The following REDIC1 variants were observed in gnomAD, a reference collection of about 807,000 sequenced individuals.
REDIC1 encodes the protein regulator of DNA class I crossover intermediates 1, also known as HEI10 Interacting Protein 1.
the REDIC1 span, among the ~76,000 whole-genome samples, chr12:39,713,996 T>G: frequency 5.8e-3 from 861 of 148,506 alleles, 7 homozygotes; most frequent in African/African-American, 0.02. Flanking sequence ...TACATGTATG[T>G]ACACCTATGT....
the REDIC1 span, among the ~76,000 whole-genome samples, chr12:39,760,953 A>AACACACACACACACACACACACACACAC: frequency 0.088 from 8,899 of 101,462 alleles, 953 homozygotes; most frequent in East Asian, 0.27. Context: ...GTCTCTACCA[A>AACACACACACACACACACACACACACAC]ACACACACAC....
At chr12:39,681,266 C>A in the REDIC1 span, among the ~76,000 whole-genome samples, 2 of 152,066 alleles carry the variant, frequency 1.3e-5, no homozygotes, top group Admixed American at 1.3e-4. Flanking sequence ...GAGCAAAACT[C>A]CATCTCCCAC....
At chr12:39,863,487 T>A in the REDIC1 span, among the ~76,000 whole-genome samples, 1 of 152,192 alleles carries the variant, frequency 6.6e-6, no homozygotes, top group Non-Finnish European at 1.5e-5. Flanking sequence ...CTGGAGAATA[T>A]TCTATGATTC....
At chr12:39,826,854 ATTT>A in the REDIC1 span, among the ~76,000 whole-genome samples, 10 of 67,394 alleles carry the variant, frequency 1.5e-4, no homozygotes, top group Admixed American at 6.8e-4. Flanking sequence ...GTCTCTTTCA[ATTT>A]TTTTTTTTTT....
the REDIC1 span, among the ~76,000 whole-genome samples, chr12:39,859,736 G>A: frequency 9.9e-5 from 15 of 151,948 alleles, no homozygotes; most frequent in East Asian, 7.8e-4. Flanking sequence ...CATGTTGGCC[G>A]GGCTGGTCTC....
the REDIC1 span, among the ~76,000 whole-genome samples, chr12:39,696,529 C>T: frequency 1.2e-3 from 104 of 88,952 alleles, 2 homozygotes; most frequent in African/African-American, 4.3e-3. Context: ...GGCGACAGAG[C>T]GAGACTCTGT....
the REDIC1 span, among the ~76,000 whole-genome samples, chr12:39,666,912 A>G: frequency 6.6e-6 from 1 of 152,110 alleles, no homozygotes; most frequent in Admixed American, 6.5e-5. Flanking sequence ...TGGTAGTGAT[A>G]TCCCCTTTAT....
the REDIC1 span, among the ~76,000 whole-genome samples, chr12:39,778,484 A>C: frequency 4.6e-3 from 708 of 152,304 alleles, 5 homozygotes; most frequent in African/African-American, 0.016. Flanking sequence ...GAACAGACTC[A>C]TGTGAGGGCC....
the REDIC1 span, chr12:39,626,432 A>C: frequency 6.3e-7 from 1 of 1,589,308 alleles, no homozygotes; most frequent in Non-Finnish European, 8.6e-7. Flanking sequence ...CCTGGCGGAG[A>C]GGTCACAGCC....
At chr12:39,663,609 T>G in the REDIC1 span, among the ~76,000 whole-genome samples, 2 of 152,054 alleles carry the variant, frequency 1.3e-5, no homozygotes, top group Non-Finnish European at 2.9e-5. Flanking sequence ...GAGGACTGAT[T>G]TCTGTCATGT....
the REDIC1 span, chr12:39,716,927 T>C: frequency 2.4e-6 from 2 of 831,710 alleles, no homozygotes; most frequent in Non-Finnish European, 3.4e-6. Context: ...ATAAAACTGT[T>C]GAGTCAATTA....
At chr12:39,664,330 GT>G in the REDIC1 span, among the ~76,000 whole-genome samples, 40 of 151,042 alleles carry the variant, frequency 2.6e-4, no homozygotes, top group Middle Eastern at 3.5e-3. Flanking sequence ...GTGGTGTTTG[GT>G]TTATTGTCCT....
chr12:39,787,452 G>A, the REDIC1 span, among the ~76,000 whole-genome samples: 1 of 152,124 alleles, frequency 6.6e-6, no homozygotes, highest in Admixed American at 6.5e-5. Context: ...GTTCTCTAAA[G>A]CAGAGAGAAA....
the REDIC1 span, among the ~76,000 whole-genome samples, chr12:39,681,442 A>C: frequency 6.6e-6 from 1 of 152,206 alleles, no homozygotes; most frequent in Non-Finnish European, 1.5e-5. Flanking sequence ...GTAACCAAAC[A>C]TCACCCATTT....
chr12:39,692,818 T>C, the REDIC1 span, among the ~76,000 whole-genome samples: 2 of 152,084 alleles, frequency 1.3e-5, no homozygotes, highest in Non-Finnish European at 2.9e-5. Flanking sequence ...GGAGTAGAAT[T>C]GCTAGTTCAT....
At chr12:39,754,856 T>C in the REDIC1 span, among the ~76,000 whole-genome samples, 1 of 152,058 alleles carries the variant, frequency 6.6e-6, no homozygotes, top group Non-Finnish European at 1.5e-5. Flanking sequence ...AAAATATTTT[T>C]AAAAGATGAT....
the REDIC1 span, chr12:39,720,842 C>A: frequency 6.2e-7 from 1 of 1,612,710 alleles, no homozygotes; most frequent in Non-Finnish European, 8.5e-7. Context: ...AATAGGATGA[C>A]CATCAAAACC....
chr12:39,895,988 T>G, the REDIC1 span, among the ~76,000 whole-genome samples: 9 of 131,282 alleles, frequency 6.9e-5, no homozygotes, highest in South Asian at 2.2e-4. Flanking sequence ...ATACATACAT[T>G]CATATATGTG....
At chr12:39,668,763 AT>A in the REDIC1 span, among the ~76,000 whole-genome samples, 6 of 150,270 alleles carry the variant, frequency 4.0e-5, no homozygotes, top group Non-Finnish European at 8.9e-5. Context: ...TTTTTTTGTT[AT>A]TTTTTTTCTA....
Sources: gnomAD v4.1 joint callset for allele counts (sites outside exome capture counted in the v4.1 genomes callset) on GRCh38, gnomAD v4.1.1 for gene constraint, MANE v1.5 for transcripts, NCBI Gene and HGNC (gene_info 2026-07-23, HGNC 2026-07-21) for gene names.